The following ZBTB7C variants were observed in gnomAD, a reference collection of about 807,000 sequenced individuals.
ZBTB7C encodes the protein zinc finger and BTB domain-containing protein 7C.
Under a neutral mutation model 25.7 loss-of-function variants are expected in ZBTB7C, and 8 were observed. That is an observed-to-expected ratio of 0.31 (90% CI 0.18 to 0.56). The LOEUF is 0.56. Ranked by LOEUF, ZBTB7C falls within the 20% of genes least tolerant of loss-of-function variation. The probability of loss-of-function intolerance (pLI) is 0.91; values close to 1 mark genes in which losing one functional copy is unlikely to be tolerated. For synonymous variants in ZBTB7C, 394 were observed against 369.0 expected (o/e 1.07, Z -0.78); for missense variants, 824 against 855.2 (o/e 0.96, Z 0.46).
At chr18:48,406,009 G>A (rs1187184904) in intron 1 of ZBTB7C, among the ~76,000 whole-genome samples, 1 of 152,112 alleles carries the variant, frequency 6.6e-6, no homozygotes, top group Non-Finnish European at 1.5e-5. Context: ...TCTTCCAGTG[G>A]GACACAGTCA....
chr18:48,158,412 T>C (rs2040902703), intron 3 of ZBTB7C, among the ~76,000 whole-genome samples: 1 of 152,084 alleles, frequency 6.6e-6, no homozygotes, highest in Admixed American at 6.5e-5. Context: ...GCCAGGAGTC[T>C]AGCTTCTAGC....
chr18:48,276,465 A>C (rs1430568573), intron 2 of ZBTB7C, among the ~76,000 whole-genome samples: 2 of 92,228 alleles, frequency 2.2e-5, no homozygotes, highest in South Asian at 5.0e-4. Flanking sequence ...CCCACCCCAC[A>C]ACAGGCCCCA....
At chr18:48,135,774 A>C (rs2040133265) in intron 3 of ZBTB7C, among the ~76,000 whole-genome samples, 1 of 152,130 alleles carries the variant, frequency 6.6e-6, no homozygotes, top group South Asian at 2.1e-4. Context: ...AAAATCTTCT[A>C]TCTCATCTGG....
rs73957640 is a variant in ZBTB7C, at chr18:48,354,461, T to A, written c.-303-16063A>T. ...ACAGACCATCCAATATGGACAAACT[T>A]GACTTGGAAACAGGAAAATAGGGAG... On this transcript the variant is annotated intron_variant, in intron 1 of 4. Coordinates refer to ENST00000590800, the MANE Select transcript of ZBTB7C (RefSeq NM_001318841.2). 6.2e-3 allele frequency among the ~76,000 whole-genome samples: 940 copies of A among 152,246 alleles called. 6 individuals are homozygous for A. The highest frequency in any genetic ancestry group is 0.021 in the African/African-American group (860 of 41,536).
intron 3 of ZBTB7C, among the ~76,000 whole-genome samples, chr18:48,090,494 C>T (rs2038371320): frequency 1.3e-5 from 2 of 152,246 alleles, no homozygotes; most frequent in East Asian, 1.9e-4. Flanking sequence ...AAACCAAGTC[C>T]TCCGTCAGCT....
chr18:48,302,241 G>GGA (rs1184390166), intron 2 of ZBTB7C, among the ~76,000 whole-genome samples: 2 of 152,184 alleles, frequency 1.3e-5, no homozygotes, highest in African/African-American at 4.8e-5. Context: ...TGAGGAGAGT[G>GGA]GACGCCCCTG....
At chr18:48,318,101 CTG>C (rs995625230) in intron 2 of ZBTB7C, among the ~76,000 whole-genome samples, 5 of 152,110 alleles carry the variant, frequency 3.3e-5, no homozygotes, top group African/African-American at 9.7e-5. Flanking sequence ...GATGGGGAAA[CTG>C]AGGGCTGAGG....
At chr18:48,163,690 T>C (rs2041148261) in intron 3 of ZBTB7C, among the ~76,000 whole-genome samples, 1 of 152,222 alleles carries the variant, frequency 6.6e-6, no homozygotes, top group African/African-American at 2.4e-5. Flanking sequence ...AGAGCTGCCT[T>C]TCAATCCACT....
intron 3 of ZBTB7C, among the ~76,000 whole-genome samples, chr18:48,104,362 A>G (rs776625538): frequency 9.2e-5 from 14 of 151,974 alleles, no homozygotes; most frequent in Non-Finnish European, 1.8e-4. Flanking sequence ...CTCTTCCACC[A>G]TGAGTGGAAG....
chr18:48,301,887 G>C (rs1253958167), intron 2 of ZBTB7C, among the ~76,000 whole-genome samples: 1 of 152,200 alleles, frequency 6.6e-6, no homozygotes, highest in Non-Finnish European at 1.5e-5. Context: ...CTGGAGACCA[G>C]CCAGCAGGCA....
Position 48,212,874 on chromosome 18 carries a change from A to T in ZBTB7C, c.-78-26879T>A, listed in dbSNP as rs192097120. Among the ~76,000 whole-genome samples, 100 of 152,196 alleles carry T rather than the reference A, an allele frequency of 6.6e-4. 2 individuals carry two copies. Among genetic ancestry groups the T allele is most frequent in the African/African-American group, 2.3e-3 (97 of 41,474 alleles). ...GGTGTGGGGAAGGAGAATATAGGCCAACTTCGAAGAATGCTGAAAACCCTC... is the reference window on the plus strand; with the variant it reads ...GGTGTGGGGAAGGAGAATATAGGCCTACTTCGAAGAATGCTGAAAACCCTC... On this transcript the variant is annotated intron_variant, in intron 2 of 4. Coordinates refer to ENST00000590800, the MANE Select transcript of ZBTB7C (RefSeq NM_001318841.2).
chr18:48,126,320 C>T (rs950522188), intron 3 of ZBTB7C, among the ~76,000 whole-genome samples: 1 of 152,164 alleles, frequency 6.6e-6, no homozygotes, highest in African/African-American at 2.4e-5. Flanking sequence ...ATCAGAACAC[C>T]TGTGTCTTTA....
chr18:48,075,421 C>T (rs532494684), intron 3 of ZBTB7C, among the ~76,000 whole-genome samples: 1 of 152,226 alleles, frequency 6.6e-6, no homozygotes, highest in Admixed American at 6.5e-5. Context: ...GAAATGGGAA[C>T]AGCCAGCCCA....
intron 3 of ZBTB7C, among the ~76,000 whole-genome samples, chr18:48,177,959 G>A (rs992656362): frequency 3.9e-5 from 6 of 152,154 alleles, no homozygotes; most frequent in South Asian, 4.2e-4. Flanking sequence ...AGGTCACAGC[G>A]CTGGTAAGGT....
intron 3 of ZBTB7C, among the ~76,000 whole-genome samples, chr18:48,184,317 G>C (rs1300024937): frequency 6.6e-6 from 1 of 152,188 alleles, no homozygotes; most frequent in Non-Finnish European, 1.5e-5. Context: ...TGAGCCAAAA[G>C]GACCTGTTGC....
chr18:48,339,604 C>T (rs370538448), intron 1 of ZBTB7C, among the ~76,000 whole-genome samples: 2 of 152,226 alleles, frequency 1.3e-5, no homozygotes, highest in African/African-American at 4.8e-5. Flanking sequence ...TTCCAGCAAG[C>T]TCCCTGGCCC....
rs1401773731 is a variant in ZBTB7C at position 48,409,332 on chromosome 18, C to G, written c.-410G>C. The G allele has an allele frequency of 2.0e-5, 3 of 148,942 alleles. No individual in the cohort carries two copies. The highest frequency in any genetic ancestry group is 7.3e-5 in the African/African-American group (3 of 40,994). 9.2% of individuals were successfully genotyped at this position (148,942 alleles called of 1,614,324 possible). A position where few individuals can be genotyped will look rare whatever the true frequency, so the allele number is the denominator to read the frequency against. ...CGCCGGTCCCTGCGCGCCCGAGCCT[C>G]GCCGGCCGCGCCGCTGTCAGAGTCT... On this transcript the variant is annotated 5_prime_UTR_variant, in exon 1 of 5. Transcript: ENST00000590800.
At chr18:48,400,680 T>C (rs2048136967) in intron 1 of ZBTB7C, among the ~76,000 whole-genome samples, 1 of 152,248 alleles carries the variant, frequency 6.6e-6, no homozygotes, top group South Asian at 2.1e-4. Flanking sequence ...GCACTTGAAG[T>C]ATGACCAGTG....
chr18:48,143,750 C>T (rs2040418702), intron 3 of ZBTB7C, among the ~76,000 whole-genome samples: 1 of 152,184 alleles, frequency 6.6e-6, no homozygotes, highest in Non-Finnish European at 1.5e-5. Context: ...TCATCTTGAC[C>T]TGTTGGCCTG....
Sources: gnomAD v4.1 joint callset for allele counts (sites outside exome capture counted in the v4.1 genomes callset) on GRCh38, gnomAD v4.1.1 for gene constraint, MANE v1.5 for transcripts, NCBI Gene and HGNC (gene_info 2026-07-23, HGNC 2026-07-21) for gene names.